WWOX: variants seen among roughly 807,000 people sequenced by gnomAD.
WWOX encodes the protein WW domain containing oxidoreductase, also known as WW domain-containing oxidoreductase.
WWOX carries 69 observed loss-of-function variants against 46.2 expected under a neutral mutation model. The ratio of observed to expected loss-of-function variants is 1.49; its 90% confidence interval spans 1.23 to 1.82. WWOX has a LOEUF of 1.82. Among genes scored for constraint, WWOX ranks in the 40% most tolerant of loss-of-function variants. The pLI, the probability that WWOX is intolerant of heterozygous loss-of-function variation, is 0.00. For synonymous variants in WWOX, 359 were observed against 202.6 expected (o/e 1.77, Z -6.56); for missense variants, 919 against 542.6 (o/e 1.69, Z -6.89).
At chr16:78,397,964 T>A (rs2082326391) in intron 6 of WWOX, among the ~76,000 whole-genome samples, 1 of 152,212 alleles carries the variant, frequency 6.6e-6, no homozygotes, top group South Asian at 2.1e-4. Context: ...TGCTGCTTCA[T>A]GGAGTTCGTT....
Position 79,212,016 on chromosome 16 carries a change from C to T in WWOX, c.*220C>T, listed in dbSNP as rs1475363115. The T allele has an allele frequency of 4.6e-6, 7 of 1,536,118 alleles. No individual in the cohort carries two copies. The highest frequency in any genetic ancestry group is 6.1e-6 in the Non-Finnish European group (7 of 1,146,934). Reference sequence around the variant, plus strand: ...TTCTGGGGCTGGGCTAGGCATAGGTCTCTTTGCTTTCTGGTGGTGGCCTGT... The same window carrying T: ...TTCTGGGGCTGGGCTAGGCATAGGTTTCTTTGCTTTCTGGTGGTGGCCTGT... On this transcript the variant is annotated 3_prime_UTR_variant, in exon 9 of 9. Transcript: ENST00000566780.
chr16:78,608,200 A>C (rs2045810171), intron 8 of WWOX, among the ~76,000 whole-genome samples: 1 of 152,126 alleles, frequency 6.6e-6, no homozygotes. Flanking sequence ...GCAGAAATAC[A>C]CCATGCATGA....
At chr16:78,946,424 G>T (rs61085252) in intron 8 of WWOX, among the ~76,000 whole-genome samples, 3 of 152,036 alleles carry the variant, frequency 2.0e-5, no homozygotes, top group Non-Finnish European at 4.4e-5. Context: ...CTCCTGACCT[G>T]AGTTGATCTG....
Position 78,826,721 on chromosome 16 carries a change from G to C in WWOX, c.1057-384887G>C, listed in dbSNP as rs77911860. Among the ~76,000 whole-genome samples the C allele has an allele frequency of 5.8e-3, 888 of 152,228 alleles. 11 individuals carry two copies. Among genetic ancestry groups the C allele is most frequent in the African/African-American group, 0.021 (857 of 41,528 alleles). ...TTGCCTTCACAAGTTGCAGGGATTT[G>C]GATATGGAACTGCCTTTTTGGAGGC... is the stretch of plus-strand genomic sequence containing the variant. On this transcript the variant is annotated intron_variant, in intron 8 of 8. Transcript: ENST00000566780.
intron 8 of WWOX, among the ~76,000 whole-genome samples, chr16:78,548,564 T>G (rs1461926507): frequency 1.3e-5 from 2 of 152,220 alleles, no homozygotes; most frequent in Non-Finnish European, 2.9e-5. Context: ...TATTTTTAAC[T>G]TTCACTTCCC....
At position 78,346,617 on chromosome 16, in the gene WWOX, TA is replaced by T. The variant is rs2151903393; in HGVS notation, c.517-40242del. Among the ~76,000 whole-genome samples, 2 of 120,788 alleles carry T rather than the reference TA, an allele frequency of 1.7e-5. 1 individual carries two copies. The highest frequency in any genetic ancestry group is 5.0e-4 in the South Asian group (2 of 4,028). 79.2% of individuals were successfully genotyped at this position (120,788 alleles called of 152,430 possible). On this transcript the variant is annotated intron_variant, in intron 5 of 8. Coordinates refer to ENST00000566780, the MANE Select transcript of WWOX (RefSeq NM_016373.4). The stretch of plus-strand genomic sequence containing the variant: ...GGGTACATAGTGGTATTTTGTTGTA[TA>T]TTTTTTTTTAATTGTGAAATATGTG...
At chr16:78,892,093 T>C (rs963986401) in intron 8 of WWOX, 1 of 152,156 alleles carries the variant, frequency 6.6e-6, no homozygotes, top group Non-Finnish European at 1.5e-5. Flanking sequence ...TGTCTTCTGT[T>C]TCTCGCTAAA....
chr16:78,939,124 T>C (rs930099420), intron 8 of WWOX, among the ~76,000 whole-genome samples: 3 of 152,224 alleles, frequency 2.0e-5, no homozygotes, highest in African/African-American at 7.2e-5. Context: ...TTTCTGCCCA[T>C]TGACTTGGGC....
intron 8 of WWOX, among the ~76,000 whole-genome samples, chr16:78,673,296 G>A (rs925991482): frequency 6.6e-6 from 1 of 152,188 alleles, no homozygotes; most frequent in African/African-American, 2.4e-5. Context: ...GCCTTAGAGA[G>A]AGGATGCCCT....
chr16:78,690,047 G>T (rs1215828279), intron 8 of WWOX, among the ~76,000 whole-genome samples: 1 of 152,140 alleles, frequency 6.6e-6, no homozygotes, highest in South Asian at 2.1e-4. Context: ...TTTTAGTAGA[G>T]ATGCGGTTTC....
intron 8 of WWOX, among the ~76,000 whole-genome samples, chr16:78,643,428 C>T (rs1021764238): frequency 2.0e-5 from 3 of 152,156 alleles, no homozygotes; most frequent in Admixed American, 2.0e-4. Context: ...GAACCCCTGT[C>T]TCTGTGTCTC....
intron 8 of WWOX, among the ~76,000 whole-genome samples, chr16:78,948,096 A>G (rs915299961): frequency 7.9e-5 from 12 of 152,232 alleles, no homozygotes; most frequent in Admixed American, 6.5e-4. Flanking sequence ...CCATCCGTGC[A>G]GCTGCTAGCA....
intron 8 of WWOX, among the ~76,000 whole-genome samples, chr16:78,599,103 C>G (rs992361888): frequency 6.6e-6 from 1 of 152,152 alleles, no homozygotes; most frequent in African/African-American, 2.4e-5. Context: ...ACCTGAATGC[C>G]AGCTCAAGCT....
intron 5 of WWOX, among the ~76,000 whole-genome samples, chr16:78,321,404 G>T (rs926728410): frequency 1.7e-5 from 2 of 119,746 alleles, no homozygotes; most frequent in Non-Finnish European, 3.4e-5. Context: ...GTATATATAC[G>T]TATATATATA....
chr16:79,179,455 T>G (rs974279965), intron 8 of WWOX, among the ~76,000 whole-genome samples: 1 of 152,232 alleles, frequency 6.6e-6, no homozygotes, highest in African/African-American at 2.4e-5. Flanking sequence ...ATGTGACGCC[T>G]GGCAGCTCCA....
chr16:78,706,632 A>G (rs1198697599), intron 8 of WWOX, among the ~76,000 whole-genome samples: 2 of 152,250 alleles, frequency 1.3e-5, no homozygotes, highest in East Asian at 3.9e-4. Flanking sequence ...TTTTTTTCCA[A>G]TTATGGCAAC....
At chr16:78,475,787 G>T (rs771464992) in intron 8 of WWOX, among the ~76,000 whole-genome samples, 1 of 152,040 alleles carries the variant, frequency 6.6e-6, no homozygotes, top group South Asian at 2.1e-4. Flanking sequence ...GTAGAGACGC[G>T]TTTCACCATG....
intron 8 of WWOX, among the ~76,000 whole-genome samples, chr16:79,043,145 G>C (rs893387120): frequency 3.9e-5 from 6 of 152,078 alleles, no homozygotes; most frequent in Non-Finnish European, 7.3e-5. Flanking sequence ...TTGCCTACTT[G>C]CAGCTGAAGA....
intron 8 of WWOX, among the ~76,000 whole-genome samples, chr16:79,006,373 G>C (rs896435883): frequency 4.6e-5 from 7 of 152,154 alleles, no homozygotes; most frequent in African/African-American, 1.4e-4. Context: ...CACCGGCAGA[G>C]GATGAAGACA....
Sources: gnomAD v4.1 joint callset for allele counts (sites outside exome capture counted in the v4.1 genomes callset) on GRCh38, gnomAD v4.1.1 for gene constraint, MANE v1.5 for transcripts, NCBI Gene and HGNC (gene_info 2026-07-23, HGNC 2026-07-21) for gene names.